The following CERS4 variants were observed in gnomAD, a reference collection of about 807,000 sequenced individuals.
CERS4 encodes the protein LAG1 homolog, ceramide synthase 4.
CERS4 carries 65 observed loss-of-function variants against 51.8 expected under a neutral mutation model. The observed-to-expected ratio is 1.26, with a 90% CI of 1.03 to 1.54. CERS4 has a LOEUF of 1.54. CERS4 is among the 40% of genes most tolerant of loss of function. The probability of loss-of-function intolerance (pLI) is 0.00; values close to 1 mark genes in which losing one functional copy is unlikely to be tolerated. For synonymous variants in CERS4, 228 were observed against 208.4 expected, an observed-to-expected ratio of 1.09 and a Z score of -0.81; for missense variants, 563 against 500.4, an observed-to-expected ratio of 1.13 and a Z score of -1.19.
At chr19:8,256,361 A>AC in intron 7 of CERS4, 75 bp downstream of exon 7, 2 of 1,513,794 alleles carry the variant, frequency 1.3e-6, no homozygotes, top group South Asian at 2.3e-5. Context: ...TGGGCATGGG[A>AC]CCCGAACCCT....
chr19:8,236,389 T>C (rs1017490755), intron 2 of CERS4, among the ~76,000 whole-genome samples: 1 of 151,976 alleles, frequency 6.6e-6, no homozygotes, highest in African/African-American at 2.4e-5. Context: ...TCCCAAGAGT[T>C]TGGGTCAAAT....
At chr19:8,254,690 T>G in intron 4 of CERS4, 74 bp downstream of exon 4, 1 of 1,374,056 alleles carries the variant, frequency 7.3e-7, no homozygotes, top group Non-Finnish European at 1.0e-6. Flanking sequence ...TGTGGCCCAT[T>G]TGTTGGGGCA....
In CERS4 at chr19:8,237,860, CAAAA is replaced by C. The variant is rs372526269; in HGVS notation, c.-1-13211_-1-13208del. On this transcript the variant is annotated intron_variant, in intron 2 of 11. Transcript: ENST00000251363. ...AGCGAGACTCCGTGTCAAAACAAAA[CAAAA>C]AAAAGTGTTGGATCTCACACTTTAA... is the stretch of plus-strand genomic sequence containing the variant. Among the ~76,000 whole-genome samples, 11 of 151,960 alleles carry C rather than the reference CAAAA, an allele frequency of 7.2e-5. No individual in the cohort carries two copies. The South Asian group carries it at 2.3e-3, about 32-fold the overall frequency.
chr19:8,238,083 G>A (rs1052296716), intron 2 of CERS4, among the ~76,000 whole-genome samples: 3 of 151,846 alleles, frequency 2.0e-5, no homozygotes, highest in Non-Finnish European at 2.9e-5. Flanking sequence ...TGGGGCTGGG[G>A]ACTGCTCATT....
chr19:8,255,753 G>A (rs755730940), intron 5 of CERS4, 28 bp downstream of exon 5: 8 of 1,599,876 alleles, frequency 5.0e-6, no homozygotes, highest in Non-Finnish European at 6.8e-6. Context: ...CTTCTGGGGT[G>A]CAGGGAAGCG....
intron 4 of CERS4, 58 bp downstream of exon 4, chr19:8,254,674 A>G (rs972031235): frequency 1.4e-6 from 2 of 1,470,358 alleles, no homozygotes; most frequent in Non-Finnish European, 1.9e-6. Flanking sequence ...GGGCGTGGGG[A>G]TGGTGTGTGG....
chr19:8,225,496 T>C lies in CERS4; in HGVS notation c.-2+14634T>C, dbSNP rs570638084. On this transcript the variant is annotated intron_variant, in intron 2 of 11. Coordinates refer to ENST00000251363, the MANE Select transcript of CERS4 (RefSeq NM_024552.3). The stretch of plus-strand genomic sequence containing the variant: ...GAGTGCGCAATGGAGCGATCTCGGC[T>C]AACTGCAACCTCCGCCTCCCGGGTT... Among the ~76,000 whole-genome samples, 19 of 149,932 alleles carry C rather than the reference T, an allele frequency of 1.3e-4. No homozygotes were observed. The South Asian group carries it at 3.6e-3, about 29-fold the overall frequency.
chr19:8,215,295 A>G (rs549386454), intron 2 of CERS4, among the ~76,000 whole-genome samples: 8 of 152,220 alleles, frequency 5.3e-5, no homozygotes, highest in Non-Finnish European at 8.8e-5. Flanking sequence ...CGTGGCCAAC[A>G]TGGCGAAACC....
chr19:8,216,137 G>C (rs942816744), intron 2 of CERS4, among the ~76,000 whole-genome samples: 3 of 152,144 alleles, frequency 2.0e-5, no homozygotes, highest in African/African-American at 7.2e-5. Flanking sequence ...CCAGCACTTT[G>C]GGAGCCTGAG....
At chr19:8,235,698 G>A (rs1299316547) in intron 2 of CERS4, among the ~76,000 whole-genome samples, 2 of 150,412 alleles carry the variant, frequency 1.3e-5, no homozygotes, top group Admixed American at 6.7e-5. Context: ...GACTAGCCCA[G>A]GCAACATAGT....
At chr19:8,254,892 C>T (rs751604573) in intron 4 of CERS4, among the ~76,000 whole-genome samples, 1 of 152,036 alleles carries the variant, frequency 6.6e-6, no homozygotes, top group African/African-American at 2.4e-5. Context: ...CCTTCCCAGC[C>T]TCCTTGGGAG....
intron 2 of CERS4, among the ~76,000 whole-genome samples, chr19:8,235,653 C>T (rs995519546): frequency 4.6e-5 from 7 of 151,414 alleles, no homozygotes; most frequent in Non-Finnish European, 5.9e-5. Context: ...TTTGGGATGC[C>T]GAGGTGGGAG....
intron 2 of CERS4, among the ~76,000 whole-genome samples, chr19:8,225,921 C>T (rs2145194427): frequency 6.6e-6 from 1 of 152,000 alleles, no homozygotes; most frequent in African/African-American, 2.4e-5. Context: ...GGTGACCGGG[C>T]AAGGTGACTC....
chr19:8,232,924 G>C (rs1189600983), intron 2 of CERS4, among the ~76,000 whole-genome samples: 1 of 145,120 alleles, frequency 6.9e-6, no homozygotes, highest in East Asian at 2.0e-4. Context: ...TTGAAGTGGA[G>C]GTGAGGTTTC....
intron 2 of CERS4, among the ~76,000 whole-genome samples, chr19:8,248,351 A>G (rs188979547): frequency 6.6e-6 from 1 of 152,256 alleles, no homozygotes; most frequent in African/African-American, 2.4e-5. Context: ...CGACAGATGG[A>G]TAAATGGATG....
chr19:8,243,007 A>G (rs1246460539), intron 2 of CERS4, among the ~76,000 whole-genome samples: 1 of 150,298 alleles, frequency 6.7e-6, no homozygotes, highest in East Asian at 2.0e-4. Flanking sequence ...CCTTCCTAGG[A>G]CACCTAGTCC....
chr19:8,229,510 TG>T (rs1196735496), intron 2 of CERS4, among the ~76,000 whole-genome samples: 4 of 152,090 alleles, frequency 2.6e-5, no homozygotes, highest in Admixed American at 6.6e-5. Flanking sequence ...TGGGTTCAAG[TG>T]ATTCTCCTGC....
intron 2 of CERS4, among the ~76,000 whole-genome samples, chr19:8,224,238 C>G (rs1434650036): frequency 6.6e-6 from 1 of 151,466 alleles, no homozygotes; most frequent in African/African-American, 2.4e-5. Flanking sequence ...GAAACCCTGT[C>G]TCTACTAAAA....
intron 2 of CERS4, among the ~76,000 whole-genome samples, chr19:8,212,820 G>A (rs1044329150): frequency 6.6e-6 from 1 of 150,524 alleles, no homozygotes; most frequent in African/African-American, 2.4e-5. Flanking sequence ...TATATTATTA[G>A]TAGAGATGAA....
Sources: allele counts gnomAD v4.1 joint callset (sites outside exome capture counted in the v4.1 genomes callset), GRCh38; gene constraint gnomAD v4.1.1; transcripts MANE v1.5; gene names NCBI Gene and HGNC (gene_info 2026-07-23, HGNC 2026-07-21).